OC90: variants seen among roughly 807,000 people sequenced by gnomAD.
OC90 encodes the protein otoconin-90.
Under a neutral mutation model 47.3 loss-of-function variants are expected in OC90, and 46 were observed. The ratio of observed to expected loss-of-function variants is 0.97; its 90% confidence interval spans 0.77 to 1.24. The LOEUF (loss-of-function observed/expected upper bound fraction) is 1.24. OC90 is among the 50% of genes most tolerant of loss of function. The pLI is 0.00. For synonymous variants in OC90, 271 were observed against 219.5 expected (o/e 1.23, Z -2.07); for missense variants, 688 against 583.9 (o/e 1.18, Z -1.84).
chr8:132,043,386 C>A (rs1464026764), intron 4 of OC90, among the ~76,000 whole-genome samples: 1 of 152,228 alleles, frequency 6.6e-6, no homozygotes, highest in African/African-American at 2.4e-5. Context: ...AACCGAAGGC[C>A]AAACACATGC....
chr8:132,048,844 G>C (rs1417935286), intron 2 of OC90, among the ~76,000 whole-genome samples: 1 of 151,522 alleles, frequency 6.6e-6, no homozygotes, highest in Non-Finnish European at 1.5e-5. Context: ...GGATGGCTGA[G>C]GCACAGTCTA....
At chr8:132,037,907 C>T (rs555184052) in intron 8 of OC90, among the ~76,000 whole-genome samples, 16 of 152,342 alleles carry the variant, frequency 1.1e-4, no homozygotes, top group African/African-American at 2.2e-4. Context: ...CATGCACTCA[C>T]GCTCACGCTC....
intron 2 of OC90, among the ~76,000 whole-genome samples, chr8:132,046,961 G>A (rs1341910742): frequency 6.6e-6 from 1 of 152,198 alleles, no homozygotes; most frequent in Non-Finnish European, 1.5e-5. Context: ...GAAATTTTCT[G>A]TTGCTAGGGA....
intron 12 of OC90, 36 bp downstream of exon 12, chr8:132,031,845 T>C (rs1408059746): frequency 1.3e-6 from 2 of 1,591,922 alleles, no homozygotes; most frequent in African/African-American, 1.3e-5. Context: ...GCATCAGCAC[T>C]ACTACACCAG....
chr8:132,046,560 G>T (rs1823136197), intron 2 of OC90, among the ~76,000 whole-genome samples: 1 of 152,168 alleles, frequency 6.6e-6, no homozygotes, highest in African/African-American at 2.4e-5. Context: ...CATCATGCTG[G>T]GGGTGTGAAG....
chr8:132,028,608 A>AAGGAAGGT (rs1822805746), intron 13 of OC90, among the ~76,000 whole-genome samples: 1 of 108,126 alleles, frequency 9.2e-6, no homozygotes, highest in African/African-American at 4.2e-5. Flanking sequence ...GGAGGGAAGG[A>AAGGAAGGT]GGGAAGGAGG....
chr8:132,053,304 G>A (rs2130864953), intron 2 of OC90, among the ~76,000 whole-genome samples: 1 of 152,148 alleles, frequency 6.6e-6, no homozygotes, highest in East Asian at 1.9e-4. Flanking sequence ...GGGACTTCAA[G>A]GTAAGCACTG....
chr8:132,032,990 T>G (rs377187334), intron 11 of OC90, 49 bp downstream of exon 11: 1,124 of 1,587,272 alleles, frequency 7.1e-4, no homozygotes, highest in Non-Finnish European at 9.2e-4. Context: ...GTTCACAGCC[T>G]CACCAAAAGA....
Position 132,041,704 on chromosome 8 carries a change from G to C in OC90, c.170-5C>G. ...TGAAGTGGGGGCCCAGGCAATCTGTGGGGGTGGGGGGCAGGGCCTGATAAG... is the reference window on the plus strand; with the variant it reads ...TGAAGTGGGGGCCCAGGCAATCTGTCGGGGTGGGGGGCAGGGCCTGATAAG... On this transcript the variant is annotated splice_polypyrimidine_tract_variant and splice_region_variant and intron_variant, in intron 4 of 13. Coordinates refer to ENST00000254627, the MANE Select transcript of OC90 (RefSeq NM_001080399.3). The C allele has an allele frequency of 1.3e-6, 2 of 1,515,928 alleles. No homozygotes were observed. The highest frequency in any genetic ancestry group is 2.3e-5 in the East Asian group (1 of 43,746). The allele number at this position is 1,515,928 out of a possible 1,614,324, so 93.9% of individuals were successfully genotyped here.
intron 12 of OC90, among the ~76,000 whole-genome samples, chr8:132,030,160 G>T (rs1822853387): frequency 6.6e-6 from 1 of 152,284 alleles, no homozygotes; most frequent in African/African-American, 2.4e-5. Context: ...GGCAGGGATG[G>T]GTGGGGATGG....
chr8:132,046,860 T>C (rs1268929696), intron 2 of OC90, among the ~76,000 whole-genome samples: 1 of 152,208 alleles, frequency 6.6e-6, no homozygotes, highest in African/African-American at 2.4e-5. Context: ...ACTAAATCTG[T>C]TCAGGAAGAT....
At chr8:132,052,686 A>G (rs1053723087) in intron 2 of OC90, among the ~76,000 whole-genome samples, 27 of 152,254 alleles carry the variant, frequency 1.8e-4, no homozygotes, top group Admixed American at 7.2e-4. Flanking sequence ...GCATGGTCAG[A>G]GGGAATGTAA....
intron 2 of OC90, among the ~76,000 whole-genome samples, chr8:132,050,632 T>G (rs949882104): frequency 6.6e-6 from 1 of 152,184 alleles, no homozygotes; most frequent in African/African-American, 2.4e-5. Context: ...AGCCTCACTT[T>G]GATCCTCTGT....
chr8:132,036,448 A>T (rs770454972), intron 9 of OC90: 2 of 780,194 alleles, frequency 2.6e-6, no homozygotes, highest in South Asian at 1.3e-5. Context: ...GATTTTAATG[A>T]TCAGTTCAGC....
chr8:132,041,029 C>T lies in OC90; in HGVS notation c.457+15G>A. 1.3e-6 allele frequency: 2 copies of T among 1,491,878 alleles called. No individual in the cohort carries two copies. Among genetic ancestry groups the T allele is most frequent in the Non-Finnish European group, 1.9e-6 (2 of 1,068,468 alleles). The allele number at this position is 1,491,878 out of a possible 1,614,324, so 92.4% of individuals were successfully genotyped here. On this transcript the variant is annotated intron_variant, in intron 6 of 13. Coordinates refer to ENST00000254627, the MANE Select transcript of OC90 (RefSeq NM_001080399.3). ...TTTCTGGGCCCAGGCCCCTGGGACA[C>T]CTGGAGATGCTTACCACATATGATC...
At chr8:132,048,449 A>G (rs1823166002) in intron 2 of OC90, among the ~76,000 whole-genome samples, 1 of 146,918 alleles carries the variant, frequency 6.8e-6, no homozygotes, top group Admixed American at 6.6e-5. Context: ...TCCCAGCTGC[A>G]CTAACCCACC....
At chr8:132,054,298 C>T (rs1202153963) in intron 2 of OC90, among the ~76,000 whole-genome samples, 3 of 152,228 alleles carry the variant, frequency 2.0e-5, no homozygotes, top group African/African-American at 7.2e-5. Context: ...GCACATTCAC[C>T]TCCCCTCTGC....
At chr8:132,034,749 G>A (rs756543694) in intron 10 of OC90, 32 bp downstream of exon 10, 3 of 1,519,138 alleles carry the variant, frequency 2.0e-6, no homozygotes, top group Non-Finnish European at 9.1e-7. Context: ...AATGTGTCAT[G>A]AACATAGGCA....
At chr8:132,032,744 G>C (rs1468385223) in intron 11 of OC90, among the ~76,000 whole-genome samples, 1 of 152,168 alleles carries the variant, frequency 6.6e-6, no homozygotes, top group Non-Finnish European at 1.5e-5. Context: ...ATAAAGCACG[G>C]TGTGGACGAA....
Sources: gnomAD v4.1 joint callset for allele counts (sites outside exome capture counted in the v4.1 genomes callset) on GRCh38, gnomAD v4.1.1 for gene constraint, MANE v1.5 for transcripts, NCBI Gene and HGNC (gene_info 2026-07-23, HGNC 2026-07-21) for gene names.